The following ST6GALNAC5 variants were observed in gnomAD, a reference collection of about 807,000 sequenced individuals.
ST6GALNAC5 encodes alpha-N-acetylgalactosaminide alpha-2,6-sialyltransferase 5.
A neutral mutation model predicts 33.6 loss-of-function variants in ST6GALNAC5; 27 were observed. The ratio of observed to expected loss-of-function variants is 0.80; its 90% CI spans 0.59 to 1.11. The LOEUF is 1.11. Ranked by LOEUF, ST6GALNAC5 falls within the 50% of genes least tolerant of loss-of-function variation. The pLI, the probability that ST6GALNAC5 is intolerant of heterozygous loss-of-function variation, is 0.00. For missense variants in ST6GALNAC5, 428 were observed against 454.0 expected (o/e 0.94, Z 0.52); for synonymous variants, 194 against 171.2 (o/e 1.13, Z -1.04).
At chr1:76,883,097 T>C (rs527301351) in intron 2 of ST6GALNAC5, among the ~76,000 whole-genome samples, 1 of 152,252 alleles carries the variant, frequency 6.6e-6, no homozygotes, top group South Asian at 2.1e-4. Flanking sequence ...CAATCACATA[T>C]TGACTGAGTA....
intron 2 of ST6GALNAC5, among the ~76,000 whole-genome samples, chr1:76,913,105 G>A (rs1646931336): frequency 6.6e-6 from 1 of 151,946 alleles, no homozygotes; most frequent in Admixed American, 6.6e-5. Context: ...CTCTTTTAGG[G>A]CAGGCCTGGT....
chr1:77,010,949 G>C (rs1319560229), intron 2 of ST6GALNAC5, among the ~76,000 whole-genome samples: 1 of 152,178 alleles, frequency 6.6e-6, no homozygotes, highest in Non-Finnish European at 1.5e-5. Flanking sequence ...TCAGATGTTG[G>C]AGACCCTCAA....
At chr1:76,931,236 A>C (rs956813002) in intron 2 of ST6GALNAC5, among the ~76,000 whole-genome samples, 2 of 152,102 alleles carry the variant, frequency 1.3e-5, no homozygotes, top group Admixed American at 1.3e-4. Context: ...TTAAGCTTAT[A>C]AGTGAATCCT....
At chr1:77,011,898 C>T (rs999102811) in intron 2 of ST6GALNAC5, among the ~76,000 whole-genome samples, 2 of 152,112 alleles carry the variant, frequency 1.3e-5, no homozygotes, top group Non-Finnish European at 2.9e-5. Context: ...AATGCTTTTA[C>T]ATACATTATC....
At chr1:76,971,759 A>G (rs909371655) in intron 2 of ST6GALNAC5, among the ~76,000 whole-genome samples, 5 of 152,172 alleles carry the variant, frequency 3.3e-5, no homozygotes, top group Admixed American at 6.6e-5. Context: ...GAAAAAAAGG[A>G]TAGTTCTATT....
intron 4 of ST6GALNAC5, 35 bp downstream of exon 4, chr1:77,050,400 G>A (rs41292244): frequency 1.7e-4 from 273 of 1,578,248 alleles, no homozygotes; most frequent in South Asian, 1.4e-3. Flanking sequence ...ATCATCAGCC[G>A]TGTTGTGCAG....
intron 4 of ST6GALNAC5, among the ~76,000 whole-genome samples, chr1:77,058,905 G>A (rs1177567875): frequency 6.6e-6 from 1 of 152,170 alleles, no homozygotes; most frequent in Non-Finnish European, 1.5e-5. Context: ...GAGGGCTGAT[G>A]AGGATGTAAA....
intron 2 of ST6GALNAC5, among the ~76,000 whole-genome samples, chr1:76,924,813 C>T (rs1388875754): frequency 6.6e-6 from 1 of 152,134 alleles, no homozygotes; most frequent in African/African-American, 2.4e-5. Context: ...CTGACCTGTA[C>T]AGACCCATGA....
chr1:76,987,698 A>G (rs1228496776), intron 2 of ST6GALNAC5, among the ~76,000 whole-genome samples: 2 of 152,184 alleles, frequency 1.3e-5, no homozygotes, highest in African/African-American at 2.4e-5. Flanking sequence ...AAATGTCCAT[A>G]AATTGATGAA....
intron 2 of ST6GALNAC5, among the ~76,000 whole-genome samples, chr1:77,018,244 C>T (rs1018670772): frequency 1.3e-5 from 2 of 152,150 alleles, no homozygotes; most frequent in African/African-American, 2.4e-5. Flanking sequence ...CATCACGATA[C>T]CCCCATTTTT....
intron 2 of ST6GALNAC5, among the ~76,000 whole-genome samples, chr1:77,029,252 G>A (rs72681851): frequency 2.2e-3 from 332 of 152,270 alleles, no homozygotes; most frequent in Non-Finnish European, 1.7e-3. Flanking sequence ...CTGAAACAAC[G>A]AGTATAGTTA....
intron 2 of ST6GALNAC5, among the ~76,000 whole-genome samples, chr1:76,944,526 C>T (rs1647444513): frequency 6.6e-6 from 1 of 151,910 alleles, no homozygotes; most frequent in Non-Finnish European, 1.5e-5. Context: ...GTATGTAAGC[C>T]ACATTAGGGC....
At position 77,044,532 on chromosome 1, in the gene ST6GALNAC5, C is replaced by A; in HGVS notation, c.590C>A (p.Pro197His). 2 of 1,609,548 alleles carry A rather than the reference C, an allele frequency of 1.2e-6. No individual in the cohort carries two copies. Among genetic ancestry groups the A allele is most frequent in the Non-Finnish European group, 1.7e-6 (2 of 1,177,392 alleles). The change falls in exon 3 of 5, where the codon CCC (proline) becomes CAC (histidine). Residue 197 changes from proline to histidine, a missense_variant. Physicochemically the swap from Pro to His is moderately conservative, Grantham distance 77. Transcript: ENST00000477717. ...CTGCATCTCCTGAGCCAGGTGCTGC[C>A]CCGGCTGAAGGCCTTCATGATTACT... ...NNLHLLSQVL[P>H]RLKAFMITRH...
intron 2 of ST6GALNAC5, among the ~76,000 whole-genome samples, chr1:76,896,244 C>T (rs1472143506): frequency 6.6e-6 from 1 of 152,162 alleles, no homozygotes; most frequent in Non-Finnish European, 1.5e-5. Flanking sequence ...AAATTGTCTA[C>T]CTAGACTAAG....
chr1:77,020,247 A>C (rs1414596624), intron 2 of ST6GALNAC5, among the ~76,000 whole-genome samples: 1 of 152,188 alleles, frequency 6.6e-6, no homozygotes, highest in Non-Finnish European at 1.5e-5. Context: ...TTAAGTGCCG[A>C]GAATGTGGTT....
chr1:77,028,892 C>T (rs1651346396), intron 2 of ST6GALNAC5, among the ~76,000 whole-genome samples: 1 of 152,180 alleles, frequency 6.6e-6, no homozygotes. Context: ...GTAGCTTTTA[C>T]ATAGGACCTG....
At chr1:76,913,686 T>C (rs80075310) in intron 2 of ST6GALNAC5, among the ~76,000 whole-genome samples, 18,702 of 152,114 alleles carry the variant, frequency 0.12, 1,252 homozygotes, top group South Asian at 0.25. Flanking sequence ...CCATCACTGA[T>C]ACCATTTCTT....
At chr1:76,873,491 G>A (rs1214629749) in intron 2 of ST6GALNAC5, among the ~76,000 whole-genome samples, 1 of 152,160 alleles carries the variant, frequency 6.6e-6, no homozygotes, top group African/African-American at 2.4e-5. Flanking sequence ...TACACAATAA[G>A]TATGTATGGA....
intron 3 of ST6GALNAC5, among the ~76,000 whole-genome samples, chr1:77,047,743 G>A (rs1652064650): frequency 6.6e-6 from 1 of 152,150 alleles, no homozygotes; most frequent in South Asian, 2.1e-4. Context: ...ATAACTGCAG[G>A]AAGAATATTT....
Sources: allele counts gnomAD v4.1 joint callset (sites outside exome capture counted in the v4.1 genomes callset), GRCh38; gene constraint gnomAD v4.1.1; transcripts MANE v1.5; gene names NCBI Gene and HGNC (gene_info 2026-07-23, HGNC 2026-07-21).